Variants in DGKB observed in about 807,000 individuals in gnomAD.
The protein encoded by DGKB is 90 kDa diacylglycerol kinase.
A neutral mutation model predicts 114.3 loss-of-function variants in DGKB; 67 were observed. The observed-to-expected ratio is 0.59, with a 90% CI of 0.48 to 0.72. The LOEUF (loss-of-function observed/expected upper bound fraction) is 0.72. Among genes scored for constraint, DGKB ranks in the 30% least tolerant of loss-of-function variants. DGKB has a pLI of 0.00. For missense variants in DGKB, 907 were observed against 975.2 expected, an observed-to-expected ratio of 0.93 and a Z score of 0.93; for synonymous variants, 398 against 323.1, an observed-to-expected ratio of 1.23 and a Z score of -2.49.
chr7:14,966,744 T>G (rs1230433414), intron 1 of DGKB, among the ~76,000 whole-genome samples: 4 of 152,168 alleles, frequency 2.6e-5, no homozygotes, highest in Non-Finnish European at 5.9e-5. Flanking sequence ...ATCTAATTAA[T>G]TTTTAATTTT....
At position 14,580,926 on chromosome 7, in the gene DGKB, A is replaced by C; in HGVS notation, c.1545T>G (p.Pro515=). 6.2e-7 allele frequency: 1 copy of C among 1,604,802 alleles called. No homozygotes were observed. The highest frequency in any genetic ancestry group is 8.5e-7 in the Non-Finnish European group (1 of 1,173,598). ...TCCCAAGAGGCAGAATCGCAACTGG[A>C]GGATGCTTGCCTACATTGGCCTTTT... The part of the protein sequence containing the change: ...CIEKANVGKH[P]PVAILPLGTG... The change falls in exon 19 of 26, where the codon CCT becomes CCG. Residue 515 remains proline (P), a synonymous_variant. Coordinates refer to ENST00000402815, the MANE Select transcript of DGKB (RefSeq NM_001350709.2).
At position 14,682,391 on chromosome 7, in the gene DGKB, T is replaced by C. The variant is rs181239486; in HGVS notation, c.1035+162A>G. 5.0e-4 allele frequency among the ~76,000 whole-genome samples: 76 copies of C among 152,264 alleles called. 1 individual carries two copies. The East Asian group carries it at 8.1e-3, about 16-fold the overall frequency. On this transcript the variant is annotated intron_variant, in intron 12 of 25. Coordinates refer to ENST00000402815, the MANE Select transcript of DGKB (RefSeq NM_001350709.2). ...GACTCTATGGGGACAAATCTGACCC[T>C]GAGCCTATCTCTTTGCAAACAAGCT...
At chr7:14,672,876 C>T (rs1819201636) in intron 13 of DGKB, 53 bp downstream of exon 13, 5 of 1,090,260 alleles carry the variant, frequency 4.6e-6, no homozygotes, top group African/African-American at 1.6e-5. Flanking sequence ...GTATACGATA[C>T]TGATAAGTCA....
Position 14,698,159 on chromosome 7 carries a change from T to C in DGKB, c.527A>G (p.Asn176Ser). Reference protein sequence around the residue: ...NGFLDSSELENIISQMMHVAE... With the variant: ...NGFLDSSELESIISQMMHVAE... The stretch of plus-strand genomic sequence containing the variant: ...AACATGCATCATCTGACTGATGATA[T>C]TTTCTAGCTCCTGGAAGAGAAAGAG... The change falls in exon 8 of 26, where the codon AAT becomes AGT. Residue 176 changes from asparagine (N) to serine (S), a missense_variant. Around this residue, in one of 3 missense-constraint regions of DGKB, gnomAD observed 814 missense variants for 856.6 expected, o/e 0.95. Coordinates refer to ENST00000402815, the MANE Select transcript of DGKB (RefSeq NM_001350709.2). 6.5e-7 allele frequency: 1 copy of C among 1,527,024 alleles called. No individual in the cohort carries two copies. Among genetic ancestry groups the C allele is most frequent in the Non-Finnish European group, 8.8e-7 (1 of 1,138,522 alleles). The allele number at this position is 1,527,024 out of a possible 1,614,324, so 94.6% of individuals were successfully genotyped here.
intron 23 of DGKB, among the ~76,000 whole-genome samples, chr7:14,180,085 G>A (rs571879239): frequency 6.6e-6 from 1 of 152,266 alleles, no homozygotes; most frequent in African/African-American, 2.4e-5. Context: ...TGAAGCCCCA[G>A]ATGTGTGCCT....
intron 12 of DGKB, among the ~76,000 whole-genome samples, chr7:14,679,169 T>C (rs1418671782): frequency 8.2e-6 from 1 of 122,054 alleles, no homozygotes; most frequent in African/African-American, 3.5e-5. Context: ...TAAGTGTTCT[T>C]CATGGAGTGC....
At chr7:14,351,393 C>T (rs1197188407) in intron 21 of DGKB, among the ~76,000 whole-genome samples, 1 of 152,176 alleles carries the variant, frequency 6.6e-6, no homozygotes, top group Non-Finnish European at 1.5e-5. Context: ...CTGCAGCAGA[C>T]AGAATGTTGG....
chr7:14,201,642 A>G (rs75840176), intron 23 of DGKB, among the ~76,000 whole-genome samples: 6,944 of 152,076 alleles, frequency 0.046, 535 homozygotes, highest in African/African-American at 0.16. Flanking sequence ...AAAAGCAAGT[A>G]GGAAAGTAGG....
chr7:14,492,439 C>T (rs1386069066), intron 20 of DGKB, among the ~76,000 whole-genome samples: 2 of 151,918 alleles, frequency 1.3e-5, no homozygotes, highest in African/African-American at 4.8e-5. Context: ...AAAATATTTG[C>T]TCATGTTTTT....
chr7:14,710,376 C>G (rs1272662354), intron 6 of DGKB, among the ~76,000 whole-genome samples: 1 of 152,038 alleles, frequency 6.6e-6, no homozygotes, highest in Non-Finnish European at 1.5e-5. Flanking sequence ...ATAGATCTTG[C>G]TAAACACACT....
intron 2 of DGKB, among the ~76,000 whole-genome samples, chr7:14,769,178 GAAAGGAAA>G (rs1288491569): frequency 1.7e-5 from 2 of 115,700 alleles, no homozygotes; most frequent in African/African-American, 8.2e-5. Context: ...GAAGGAAAGA[GAAAGGAAA>G]GAAAGAAAGA....
Position 14,610,288 on chromosome 7 carries a change from G to A in DGKB, c.1359-2780C>T, listed in dbSNP as rs558874303. 4.6e-5 allele frequency among the ~76,000 whole-genome samples: 7 copies of A among 152,098 alleles called. No homozygotes were observed. The South Asian group carries it at 1.2e-3, about 27-fold the overall frequency. Reference sequence around the variant, plus strand: ...ACACAGAAACAGAAAACCAAATACTGCATGTACTGCACGAAATGTTAAGCA... The same window carrying A: ...ACACAGAAACAGAAAACCAAATACTACATGTACTGCACGAAATGTTAAGCA... On this transcript the variant is annotated intron_variant, in intron 16 of 25. Transcript: ENST00000402815.
At chr7:14,640,622 T>C (rs1811592477) in intron 13 of DGKB, among the ~76,000 whole-genome samples, 1 of 152,100 alleles carries the variant, frequency 6.6e-6, no homozygotes, top group Non-Finnish European at 1.5e-5. Flanking sequence ...AAGGGGAACA[T>C]GGGTTGAACT....
chr7:14,623,452 G>A (rs1329377907), intron 14 of DGKB, among the ~76,000 whole-genome samples: 1 of 152,114 alleles, frequency 6.6e-6, no homozygotes, highest in Admixed American at 6.6e-5. Flanking sequence ...CATTTATTAA[G>A]TATAATCACC....
intron 1 of DGKB, among the ~76,000 whole-genome samples, chr7:14,881,539 G>A (rs527647491): frequency 2.0e-5 from 3 of 152,114 alleles, no homozygotes; most frequent in Non-Finnish European, 4.4e-5. Flanking sequence ...AATTAAGAGT[G>A]TATGCAGAAC....
intron 20 of DGKB, among the ~76,000 whole-genome samples, chr7:14,532,803 AC>A (rs1375462032): frequency 6.6e-6 from 1 of 151,642 alleles, no homozygotes; most frequent in Non-Finnish European, 1.5e-5. Flanking sequence ...AGAACACCCC[AC>A]CTACCAACAG....
At chr7:14,339,448 C>A (rs552520566) in intron 22 of DGKB, among the ~76,000 whole-genome samples, 3 of 151,702 alleles carry the variant, frequency 2.0e-5, no homozygotes, top group South Asian at 4.2e-4. Flanking sequence ...TAAAAAAAAA[C>A]CAAGGTTAAT....
intron 5 of DGKB, among the ~76,000 whole-genome samples, chr7:14,722,228 C>T (rs990117043): frequency 4.6e-5 from 7 of 152,132 alleles, no homozygotes; most frequent in African/African-American, 9.7e-5. Flanking sequence ...AGAGAAGTTT[C>T]ACTGCCCTAA....
chr7:14,389,415 G>C (rs1443655895), intron 21 of DGKB, among the ~76,000 whole-genome samples: 3 of 152,224 alleles, frequency 2.0e-5, no homozygotes, highest in African/African-American at 4.8e-5. Context: ...GCTTTCAAAA[G>C]AAGAGTAGCT....
Sources: gnomAD v4.1 joint callset for allele counts (sites outside exome capture counted in the v4.1 genomes callset) on GRCh38, gnomAD v4.1.1 for gene constraint, gnomAD v4.1.1 regional missense constraint, MANE v1.5 for transcripts, NCBI Gene and HGNC (gene_info 2026-07-23, HGNC 2026-07-21) for gene names.